Variants in NEGR1 observed in about 807,000 individuals in gnomAD.
NEGR1 encodes the protein neuronal growth regulator 1.
Under a neutral mutation model 40.9 loss-of-function variants are expected in NEGR1, and 10 were observed. The observed-to-expected ratio is 0.24, with a 90% CI of 0.15 to 0.42. NEGR1 has a LOEUF of 0.42. Among genes scored for constraint, NEGR1 ranks in the 10% least tolerant of loss-of-function variants. The probability of loss-of-function intolerance (pLI) is 1.00; values close to 1 mark genes in which losing one functional copy is unlikely to be tolerated. For synonymous variants in NEGR1, 185 were observed against 166.8 expected (o/e 1.11, Z -0.84); for missense variants, 352 against 438.9 (o/e 0.80, Z 1.77).
chr1:71,797,998 T>C (rs1657403020), intron 2 of NEGR1: 1 of 152,016 alleles, frequency 6.6e-6, no homozygotes, highest in African/African-American at 2.4e-5. Context: ...TCCTTGCCAT[T>C]GAAAACATTT....
chr1:72,017,051 G>C (rs752869319), intron 1 of NEGR1, among the ~76,000 whole-genome samples: 1 of 151,956 alleles, frequency 6.6e-6, no homozygotes, highest in South Asian at 2.1e-4. Flanking sequence ...GTATTGGAGT[G>C]AATGTGGTAG....
chr1:71,773,905 AAAG>A (rs1656414198), intron 3 of NEGR1, among the ~76,000 whole-genome samples: 1 of 152,222 alleles, frequency 6.6e-6, no homozygotes, highest in Admixed American at 6.5e-5. Flanking sequence ...GCACTTTTAA[AAAG>A]AAGAATGTGC....
intron 6 of NEGR1, among the ~76,000 whole-genome samples, chr1:71,490,930 G>A (rs1646923580): frequency 6.6e-6 from 1 of 151,928 alleles, no homozygotes; most frequent in Non-Finnish European, 1.5e-5. Context: ...GCAACTTTGA[G>A]TAGGGGTTTT....
chr1:71,878,898 A>G (rs1660506136), intron 2 of NEGR1, among the ~76,000 whole-genome samples: 1 of 152,224 alleles, frequency 6.6e-6, no homozygotes, highest in African/African-American at 2.4e-5. Context: ...TATGAGATGT[A>G]GATCACAAAG....
At chr1:72,020,890 A>G (rs1408253405) in intron 1 of NEGR1, among the ~76,000 whole-genome samples, 1 of 152,234 alleles carries the variant, frequency 6.6e-6, no homozygotes, top group East Asian at 1.9e-4. Flanking sequence ...GGTAATTGTT[A>G]GATTAAGCAG....
chr1:71,997,598 C>G (rs1000127209), intron 1 of NEGR1, among the ~76,000 whole-genome samples: 2 of 151,930 alleles, frequency 1.3e-5, no homozygotes, highest in Non-Finnish European at 2.9e-5. Flanking sequence ...TTCCTGGCGA[C>G]AGAAACAACA....
chr1:71,756,591 G>T (rs1374317210), intron 3 of NEGR1, among the ~76,000 whole-genome samples: 2 of 152,010 alleles, frequency 1.3e-5, no homozygotes, highest in African/African-American at 2.4e-5. Context: ...ACTCCACAGA[G>T]AATCTTGCTC....
intron 1 of NEGR1, among the ~76,000 whole-genome samples, chr1:71,941,727 G>A (rs531234005): frequency 6.6e-6 from 1 of 151,910 alleles, no homozygotes; most frequent in Non-Finnish European, 1.5e-5. Context: ...GTTCAATACC[G>A]TTCAGTATAC....
intron 1 of NEGR1, among the ~76,000 whole-genome samples, chr1:72,258,459 A>G (rs1655348115): frequency 6.6e-6 from 1 of 152,162 alleles, no homozygotes; most frequent in African/African-American, 2.4e-5. Context: ...TGTCCCCCAA[A>G]TGTTTAATTA....
intron 1 of NEGR1, among the ~76,000 whole-genome samples, chr1:72,201,454 T>A (rs1653202770): frequency 6.6e-6 from 1 of 151,768 alleles, no homozygotes; most frequent in East Asian, 1.9e-4. Context: ...TATTAGTGTA[T>A]AATAGTTCAA....
intron 2 of NEGR1, among the ~76,000 whole-genome samples, chr1:71,925,082 A>T (rs1464209403): frequency 1.3e-5 from 2 of 152,176 alleles, no homozygotes; most frequent in Non-Finnish European, 2.9e-5. Context: ...AGAGTCAAAA[A>T]ATAAAATAAA....
At chr1:71,668,597 G>A (rs574295341) in intron 4 of NEGR1, among the ~76,000 whole-genome samples, 9 of 152,220 alleles carry the variant, frequency 5.9e-5, no homozygotes, top group African/African-American at 1.4e-4. Context: ...AAGATAAAAC[G>A]TGACTGAAAG....
intron 6 of NEGR1, among the ~76,000 whole-genome samples, chr1:71,423,669 G>A (rs113830415): frequency 3.3e-5 from 5 of 152,010 alleles, no homozygotes; most frequent in Admixed American, 1.3e-4. Flanking sequence ...CTGAGGATAC[G>A]TAATTCCACT....
At chr1:72,006,213 T>G (rs1448426255) in intron 1 of NEGR1, among the ~76,000 whole-genome samples, 1 of 152,224 alleles carries the variant, frequency 6.6e-6, no homozygotes, top group Admixed American at 6.5e-5. Flanking sequence ...ACTTTGGCAC[T>G]TCTGTGTGTC....
At chr1:71,466,894 G>A (rs1247394834) in intron 6 of NEGR1, among the ~76,000 whole-genome samples, 1 of 152,080 alleles carries the variant, frequency 6.6e-6, no homozygotes, top group Non-Finnish European at 1.5e-5. Context: ...CTGCAGAGTG[G>A]TCTAAAGATT....
intron 1 of NEGR1, among the ~76,000 whole-genome samples, chr1:72,214,064 C>T (rs563189832): frequency 1.6e-4 from 25 of 152,018 alleles, no homozygotes; most frequent in Admixed American, 2.6e-4. Flanking sequence ...GTTCAACATA[C>T]GCAAATCAAT....
At chr1:71,462,391 G>A (rs1052105012) in intron 6 of NEGR1, among the ~76,000 whole-genome samples, 1 of 152,138 alleles carries the variant, frequency 6.6e-6, no homozygotes, top group African/African-American at 2.4e-5. Context: ...GGGCAATGGA[G>A]ATGCAAAGAG....
intron 1 of NEGR1, among the ~76,000 whole-genome samples, chr1:72,209,410 T>G (rs1449108047): frequency 6.6e-6 from 1 of 151,660 alleles, no homozygotes; most frequent in Non-Finnish European, 1.5e-5. Flanking sequence ...TGATTCTAAT[T>G]GGTCTCTTGA....
chr1:71,579,597 C>T (rs1235450571), intron 6 of NEGR1, among the ~76,000 whole-genome samples: 1 of 135,776 alleles, frequency 7.4e-6, no homozygotes, highest in Non-Finnish European at 1.5e-5. Flanking sequence ...AATACAACTA[C>T]TTAAGATTTT....
Sources: allele counts gnomAD v4.1 joint callset (sites outside exome capture counted in the v4.1 genomes callset), GRCh38; gene constraint gnomAD v4.1.1; transcripts MANE v1.5; gene names NCBI Gene and HGNC (gene_info 2026-07-23, HGNC 2026-07-21).